The following NPC1 variants were observed in gnomAD, a reference collection of about 807,000 sequenced individuals.
The protein encoded by NPC1 is NPC intracellular cholesterol transporter 1.
A neutral mutation model predicts 140.4 loss-of-function variants in NPC1; 85 were observed. That is an observed-to-expected ratio of 0.61 (90% CI 0.51 to 0.72). The LOEUF (loss-of-function observed/expected upper bound fraction) is 0.72, where lower values mean the gene tolerates loss of function less well. NPC1 is among the 30% of genes least tolerant of loss of function. The probability of loss-of-function intolerance (pLI) is 0.00; values close to 1 mark genes in which losing one functional copy is unlikely to be tolerated. For missense variants in NPC1, 1,504 were observed against 1,623.8 expected, an observed-to-expected ratio of 0.93 and a Z score of 1.27; for synonymous variants, 656 against 624.8, an observed-to-expected ratio of 1.05 and a Z score of -0.74.
chr18:23,551,572 G>T, intron 10 of NPC1, 55 bp downstream of exon 10: 1 of 1,338,260 alleles, frequency 7.5e-7, no homozygotes, highest in Non-Finnish European at 1.1e-6. Flanking sequence ...TGATGCTAAT[G>T]ACAAAACCGA....
At chr18:23,574,191 C>A (rs893078541) in intron 1 of NPC1, among the ~76,000 whole-genome samples, 1 of 152,190 alleles carries the variant, frequency 6.6e-6, no homozygotes, top group African/African-American at 2.4e-5. Context: ...AAACCACTCA[C>A]ATTTCCCATG....
At chr18:23,561,010 G>GATTC (rs1297089778) in intron 5 of NPC1, among the ~76,000 whole-genome samples, 3 of 152,170 alleles carry the variant, frequency 2.0e-5, no homozygotes, top group South Asian at 2.1e-4. Context: ...CCTCAACTAA[G>GATTC]ATTCATTCAT....
chr18:23,515,714 G>A, intron 3 of NPC1: 1 of 885,230 alleles, frequency 1.1e-6, no homozygotes, highest in Non-Finnish European at 1.7e-6. Flanking sequence ...TGTATTTTTA[G>A]TAGAGATGGG....
chr18:23,583,384 T>C (rs545403453), intron 1 of NPC1, among the ~76,000 whole-genome samples: 171 of 152,216 alleles, frequency 1.1e-3, no homozygotes, highest in Non-Finnish European at 1.8e-3. Context: ...GCAAATGCTG[T>C]TGCAGCAGTT....
rs549437274 is a variant in NPC1 at position 23,540,959 on chromosome 18, C to T, written c.2514+109G>A. 32 of 1,291,614 alleles carry T rather than the reference C, an allele frequency of 2.5e-5. No individual in the cohort carries two copies. The African/African-American group carries it at 4.6e-4, about 18-fold the overall frequency. The allele number at this position is 1,291,614 out of a possible 1,614,324, so 80.0% of individuals were successfully genotyped here. ...TTTGCTTTTGCTTTTTTTTTAGATA[C>T]ATTTTAACAGCTTTAAGAATCTCCT... On this transcript the variant is annotated intron_variant, in intron 16 of 24. Coordinates refer to ENST00000269228, the MANE Select transcript of NPC1 (RefSeq NM_000271.5).
At chr18:23,542,075 C>G (rs1195558493) in intron 14 of NPC1, among the ~76,000 whole-genome samples, 1 of 152,124 alleles carries the variant, frequency 6.6e-6, no homozygotes, top group Non-Finnish European at 1.5e-5. Context: ...CCTTGTAGCA[C>G]TGGGTTGGCC....
intron 6 of NPC1, among the ~76,000 whole-genome samples, chr18:23,558,994 T>C (rs2058996317): frequency 6.6e-6 from 1 of 152,188 alleles, no homozygotes; most frequent in African/African-American, 2.4e-5. Context: ...GTCCTTGCGA[T>C]ATTTTGCTGA....
In NPC1 at chr18:23,533,440, T is replaced by A. The variant is rs1444770131; in HGVS notation, c.3669A>T (p.Ile1223=). 1 of 1,613,030 alleles carries A rather than the reference T, an allele frequency of 6.2e-7. No individual in the cohort carries two copies. Among genetic ancestry groups the A allele is most frequent in the African/African-American group, 1.3e-5 (1 of 75,044 alleles). The change falls in exon 24 of 25, where the codon ATA becomes ATT. Residue 1223 remains isoleucine (I), a synonymous_variant. Transcript: ENST00000269228. ...TGGCCAAATACATCCTGAAGTAGAA[T>A]ATCTGGAAAATTTGAGATTTGGCAA... ...LAFAKSQIFQ[I]FYFRMYLAMV...
intron 22 of NPC1, among the ~76,000 whole-genome samples, 200 bp from the exon 23 acceptor site, chr18:23,534,759 C>G (rs1384688301): frequency 9.2e-5 from 14 of 152,162 alleles, no homozygotes; most frequent in Admixed American, 9.2e-4. Context: ...TACACACAGC[C>G]AAAAGCCTGG....
chr18:23,523,543 C>CGA (rs2058200769), intron 1 of NPC1, among the ~76,000 whole-genome samples: 4 of 76,406 alleles, frequency 5.2e-5, no homozygotes, highest in African/African-American at 2.3e-4. Flanking sequence ...CTTGTCTTCA[C>CGA]AAAAAAAAAA....
chr18:23,541,560 G>T, intron 14 of NPC1, 127 bp from the exon 15 acceptor site: 3 of 1,222,186 alleles, frequency 2.5e-6, no homozygotes, highest in Non-Finnish European at 3.5e-6. Context: ...AAGGCATGCT[G>T]CGGCTGGACA....
intron 1 of NPC1, chr18:23,581,983 CTTTTTTTCTT>C (rs760078400): frequency 5.9e-5 from 9 of 152,132 alleles, no homozygotes; most frequent in Non-Finnish European, 1.3e-4. Context: ...TATAGACGGA[CTTTTTTTCTT>C]TTTTTTACTA....
At chr18:23,538,491 T>C (rs373559428) in intron 20 of NPC1, 51 bp downstream of exon 20, 2 of 1,611,830 alleles carry the variant, frequency 1.2e-6, no homozygotes, top group Admixed American at 3.3e-5. Flanking sequence ...AGTTTTCTAC[T>C]GCAAATTAAA....
chr18:23,536,267 C>G (rs897203305), intron 21 of NPC1, among the ~76,000 whole-genome samples: 2 of 152,136 alleles, frequency 1.3e-5, no homozygotes, highest in Non-Finnish European at 2.9e-5. Context: ...GGAAAAAAAA[C>G]CCCTAACAAT....
rs2145480552 is a variant in NPC1, at chr18:23,560,405, G to A, written c.707C>T (p.Ala236Val). Residue 236 changes from alanine (A) to valine (V), a missense_variant, in exon 6 of 25, where the codon GCA becomes GTA. Coordinates refer to ENST00000269228, the MANE Select transcript of NPC1 (RefSeq NM_000271.5). Reference sequence around the variant, plus strand: ...AGAGCAGTCTTGGCAGCTACATGGTGCTGTGACCTCATCCACAGACTCGTC... The same window carrying A: ...AGAGCAGTCTTGGCAGCTACATGGTACTGTGACCTCATCCACAGACTCGTC... ...GCDESVDEVT[A>V]PCSCQDCSIV... 3 of 1,614,216 alleles carry A rather than the reference G, an allele frequency of 1.9e-6. No individual in the cohort carries two copies. Among genetic ancestry groups the A allele is most frequent in the Non-Finnish European group, 2.5e-6 (3 of 1,180,036 alleles).
At chr18:23,552,050 G>A (rs1002356573) in intron 9 of NPC1, among the ~76,000 whole-genome samples, 3 of 152,224 alleles carry the variant, frequency 2.0e-5, no homozygotes, top group Non-Finnish European at 4.4e-5. Context: ...CTCCGAGGAT[G>A]AGGGGGATTT....
At chr18:23,549,820 CA>C (rs969781596) in intron 10 of NPC1, among the ~76,000 whole-genome samples, 23 of 150,376 alleles carry the variant, frequency 1.5e-4, no homozygotes, top group African/African-American at 5.7e-4. Flanking sequence ...TGGCTCACTG[CA>C]AACTCCACCT....
rs35248744 is a variant in NPC1 at position 23,533,511 on chromosome 18, T to C, written c.3598A>G (p.Ser1200Gly). The change falls in exon 24 of 25, where the codon AGT (serine) becomes GGT (glycine). Residue 1200 changes from serine (S) to glycine (G), a missense_variant. Physicochemically the swap from Ser to Gly is moderately conservative, Grantham distance 56. Coordinates refer to ENST00000269228, the MANE Select transcript of NPC1 (RefSeq NM_000271.5). ...CCAAATTTTGTAAGTGTGATTCCAC[T>C]GAACACCTAAAAGAAGAGATACTGT... ...ALAHMGSSVF[S>G]GITLTKFGGI... is the part of the protein sequence containing the mutation. 1,020 of 1,614,206 alleles carry C rather than the reference T, an allele frequency of 6.3e-4. 6 individuals carry two copies. The African/African-American group carries it at 0.012, about 19-fold the overall frequency.
At chr18:23,518,647 C>CT (rs2058069851), downstream of NPC1, among the ~76,000 whole-genome samples, 1 of 152,154 alleles carries the variant, frequency 6.6e-6, no homozygotes, top group South Asian at 2.1e-4. Context: ...ATTTTAGACT[C>CT]TATGCTTAGG....
Sources: gnomAD v4.1 joint callset for allele counts (sites outside exome capture counted in the v4.1 genomes callset) on GRCh38, gnomAD v4.1.1 for gene constraint, MANE v1.5 for transcripts, NCBI Gene and HGNC (gene_info 2026-07-23, HGNC 2026-07-21) for gene names.